ZFHX3: variants seen among roughly 807,000 people sequenced by gnomAD.
ZFHX3 encodes zinc finger homeobox protein 3.
A neutral mutation model predicts 279.1 loss-of-function variants in ZFHX3; 42 were observed. The observed-to-expected ratio is 0.15, with a 90% CI of 0.12 to 0.19. The LOEUF (loss-of-function observed/expected upper bound fraction) is 0.19, where lower values mean the gene tolerates loss of function less well. ZFHX3 is among the 10% of genes least tolerant of loss of function. ZFHX3 has a pLI of 1.00. For synonymous variants in ZFHX3, 2,293 were observed against 1,957.8 expected, an observed-to-expected ratio of 1.17 and a Z score of -4.52; for missense variants, 4,981 against 4,754.0, an observed-to-expected ratio of 1.05 and a Z score of -1.40.
chr16:73,337,436 G>A (rs2015935986), intron 3 of ZFHX3, among the ~76,000 whole-genome samples: 5 of 152,108 alleles, frequency 3.3e-5, no homozygotes, highest in Admixed American at 3.3e-4. Flanking sequence ...GTGGGTGGAT[G>A]TCTTCATCAC....
intron 4 of ZFHX3, among the ~76,000 whole-genome samples, chr16:73,285,979 C>T (rs978404561): frequency 2.0e-5 from 3 of 152,270 alleles, no homozygotes; most frequent in South Asian, 2.1e-4. Context: ...TTTTGTAAAA[C>T]GCGTATTTAT....
Position 72,794,858 on chromosome 16 carries a change from G to GGTTGGA in ZFHX3, c.7818_7823dup (p.Pro2607_Thr2608dup). 1 of 1,614,034 alleles carries GGTTGGA rather than the reference G, an allele frequency of 6.2e-7. No homozygotes were observed. The highest frequency in any genetic ancestry group is 8.5e-7 in the Non-Finnish European group (1 of 1,180,048). The stretch of plus-strand genomic sequence containing the variant: ...TCCTCTTGAGAGTGTTCATTGTGGA[G>GGTTGGA]GTTGGAGTTGAAGGAGAAGTGGCTG... On this transcript the variant is annotated inframe_insertion, in exon 9 of 10. Transcript: ENST00000268489. This position sits in a 1 kb window ranked among gnomAD's most constrained non-coding sequence, Gnocchi z 4.2.
At chr16:73,880,478 A>G (rs190873350) in intron 1 of ZFHX3, among the ~76,000 whole-genome samples, 327 of 152,314 alleles carry the variant, frequency 2.1e-3, no homozygotes, top group African/African-American at 5.3e-3. Flanking sequence ...GCTTTTAAAA[A>G]TTATCACTCT....
At chr16:73,108,927 T>C (rs1966337504) in intron 7 of ZFHX3, among the ~76,000 whole-genome samples, 1 of 152,136 alleles carries the variant, frequency 6.6e-6, no homozygotes, top group Non-Finnish European at 1.5e-5. Context: ...CAGCAGCCCT[T>C]GTTGGGGGCG....
intron 1 of ZFHX3, among the ~76,000 whole-genome samples, chr16:73,692,385 A>G (rs928345108): frequency 3.3e-5 from 5 of 152,178 alleles, no homozygotes; most frequent in African/African-American, 7.2e-5. Context: ...CACCCTTTTT[A>G]TATAAACGAA....
intron 1 of ZFHX3, among the ~76,000 whole-genome samples, chr16:73,718,979 G>A (rs12927636): frequency 0.79 from 120,234 of 152,102 alleles, 49,474 homozygotes; most frequent in Middle Eastern, 0.9. Flanking sequence ...ATTACATCAG[G>A]GTAAGGTTTA....
intron 1 of ZFHX3, among the ~76,000 whole-genome samples, chr16:73,780,332 G>A (rs2452443): frequency 6.7e-6 from 1 of 150,032 alleles, no homozygotes; most frequent in East Asian, 2.0e-4. Context: ...ATTTTTAGTA[G>A]AGATGGGGTT....
intron 8 of ZFHX3, among the ~76,000 whole-genome samples, chr16:72,799,732 G>T (rs2036038331): frequency 6.6e-6 from 1 of 152,200 alleles, no homozygotes; most frequent in African/African-American, 2.4e-5. Context: ...AGGGCCTACT[G>T]ACTGAGTCTC....
intron 4 of ZFHX3, among the ~76,000 whole-genome samples, chr16:72,880,093 G>T (rs2038423441): frequency 6.6e-6 from 1 of 152,196 alleles, no homozygotes; most frequent in African/African-American, 2.4e-5. Context: ...ACCGTGTGCT[G>T]CGAGCAGGAA....
In ZFHX3 at chr16:72,812,050, A is replaced by C. The variant is rs568281176; in HGVS notation, c.3530-12T>G. The C allele has an allele frequency of 1.2e-5, 19 of 1,613,740 alleles. No homozygotes were observed. The highest frequency in any genetic ancestry group is 3.3e-5 in the Admixed American group (2 of 59,984). ...TTGGCTGGACGATGCTAAAAGAGAAAGTAGAAGATGCAATACAGCAGCCAG... is the reference window on the plus strand; with the variant it reads ...TTGGCTGGACGATGCTAAAAGAGAACGTAGAAGATGCAATACAGCAGCCAG... On this transcript the variant is annotated splice_polypyrimidine_tract_variant and intron_variant, in intron 5 of 9. Transcript: ENST00000268489.
rs749259572 is a variant in ZFHX3 at position 72,957,952 on chromosome 16, T to C, written c.2194A>G (p.Asn732Asp). The stretch of plus-strand genomic sequence containing the variant: ...TTGCCTTTGGTAGTTGTGGAGTAGT[T>C]ACACACCTCGCAGCGGAAAGGCTTG... ...GYKPFRCEVC[N>D]YSTTTKGNLS... The change falls in exon 2 of 10, where the codon AAC (asparagine) becomes GAC (aspartate). Residue 732 changes from asparagine to aspartate, a missense_variant. Coordinates refer to ENST00000268489, the MANE Select transcript of ZFHX3 (RefSeq NM_006885.4). 2 of 1,614,142 alleles carry C rather than the reference T, an allele frequency of 1.2e-6. No individual in the cohort carries two copies. The highest frequency in any genetic ancestry group is 1.7e-6 in the Non-Finnish European group (2 of 1,180,026).
At chr16:73,449,707 A>G (rs200994365) in intron 3 of ZFHX3, among the ~76,000 whole-genome samples, 1 of 152,156 alleles carries the variant, frequency 6.6e-6, no homozygotes, top group African/African-American at 2.4e-5. Flanking sequence ...ATAACTAGTA[A>G]AAGGAGGTAA....
In ZFHX3 at chr16:73,303,963, G is replaced by GGAAAAA. The variant is rs781722281; in HGVS notation, c.-1194+14276_-1194+14277insTTTTTC. On this transcript the variant is annotated intron_variant, in intron 4 of 17. Transcript: ENST00000641206. The stretch of plus-strand genomic sequence containing the variant: ...GATGGAGGTTCAAAAACCCTAGGTG[G>GGAAAAA]AAAAAAAAAAAAAAAAAAAAAAAAA... Among the ~76,000 whole-genome samples, 619 of 76,018 alleles carry GGAAAAA rather than the reference G, an allele frequency of 8.1e-3. 19 individuals carry two copies. Among genetic ancestry groups the GGAAAAA allele is most frequent in the Non-Finnish European group, 0.01 (391 of 37,568 alleles). The allele number at this position is 76,018 out of a possible 152,430, so 49.9% of individuals were successfully genotyped here.
chr16:73,769,951 A>G (rs946774205), intron 1 of ZFHX3, among the ~76,000 whole-genome samples: 3 of 152,224 alleles, frequency 2.0e-5, no homozygotes, highest in Non-Finnish European at 2.9e-5. Flanking sequence ...GTGATATTAC[A>G]TTGTTTATTA....
At chr16:73,216,542 C>T (rs1294181671) in intron 5 of ZFHX3, among the ~76,000 whole-genome samples, 1 of 152,136 alleles carries the variant, frequency 6.6e-6, no homozygotes, top group African/African-American at 2.4e-5. Flanking sequence ...TCAGCATGAA[C>T]CTATGGTAAA....
At chr16:73,340,564 C>T (rs534178124) in intron 3 of ZFHX3, among the ~76,000 whole-genome samples, 92 of 152,234 alleles carry the variant, frequency 6.0e-4, no homozygotes, top group African/African-American at 2.1e-3. Context: ...TTTGTAGAGA[C>T]GAAGTCTCAC....
chr16:72,793,549 A>G lies in ZFHX3; in HGVS notation c.9133T>C (p.Ser3045Pro). The G allele has an allele frequency of 6.2e-7, 1 of 1,614,158 alleles. No individual in the cohort carries two copies. Among genetic ancestry groups the G allele is most frequent in the Non-Finnish European group, 8.5e-7 (1 of 1,180,030 alleles). The change falls in exon 9 of 10, where the codon TCC becomes CCC. Residue 3045 changes from serine to proline, a missense_variant. Coordinates refer to ENST00000268489, the MANE Select transcript of ZFHX3 (RefSeq NM_006885.4). The surrounding 1 kb of genome is among the most constrained non-coding windows in gnomAD (Gnocchi z 4.3). ...TTAACTTTGGAGATATGCTGTTGGG[A>G]AAAGATATGGTCACGTACAGACAGC... is the stretch of plus-strand genomic sequence containing the variant. ...ARLSVRDHIF[S>P]QQHISKVKDT... is the part of the protein sequence containing the mutation.
intron 3 of ZFHX3, among the ~76,000 whole-genome samples, chr16:73,334,919 A>G (rs990191082): frequency 3.3e-5 from 4 of 121,042 alleles, no homozygotes; most frequent in Non-Finnish European, 6.6e-5. Context: ...TTTGTTCTTG[A>G]GTTTGCCTGC....
intron 3 of ZFHX3, among the ~76,000 whole-genome samples, chr16:72,927,813 G>A (rs1227205621): frequency 6.6e-6 from 1 of 151,984 alleles, no homozygotes; most frequent in African/African-American, 2.4e-5. Context: ...CCTTTGAGTG[G>A]CTCATGTATT....
Sources: allele counts gnomAD v4.1 joint callset (sites outside exome capture counted in the v4.1 genomes callset), GRCh38; gene constraint gnomAD v4.1.1; non-coding constraint Gnocchi (gnomAD v3.1); transcripts MANE v1.5; gene names NCBI Gene and HGNC (gene_info 2026-07-23, HGNC 2026-07-21).